Variants in SSBP2 observed in about 807,000 individuals in gnomAD.
The protein encoded by SSBP2 is single-stranded DNA-binding protein 2.
A neutral mutation model predicts 61.8 loss-of-function variants in SSBP2; 17 were observed. The observed-to-expected ratio is 0.28, with a 90% CI of 0.19 to 0.41. The LOEUF (loss-of-function observed/expected upper bound fraction) is 0.41. SSBP2 is among the 10% of genes least tolerant of loss of function. SSBP2 has a pLI of 1.00. For missense variants in SSBP2, 310 were observed against 458.7 expected (o/e 0.68, Z 2.96); for synonymous variants, 139 against 141.3 (o/e 0.98, Z 0.12).
At chr5:81,638,036 A>G (rs951246314) in intron 2 of SSBP2, among the ~76,000 whole-genome samples, 1 of 146,004 alleles carries the variant, frequency 6.8e-6, no homozygotes, top group Admixed American at 7.0e-5. Flanking sequence ...TCTCACTTAC[A>G]GGTGGGAATT....
intron 1 of SSBP2, among the ~76,000 whole-genome samples, chr5:81,703,987 A>G (rs953602124): frequency 2.0e-5 from 3 of 152,234 alleles, no homozygotes; most frequent in African/African-American, 7.2e-5. Flanking sequence ...CTGCTGCTTT[A>G]GTCCCTTGGA....
intron 6 of SSBP2, among the ~76,000 whole-genome samples, chr5:81,486,073 T>C (rs1463753321): frequency 2.0e-5 from 3 of 152,202 alleles, no homozygotes; most frequent in Admixed American, 1.3e-4. Flanking sequence ...TGTGTATGTA[T>C]GTGTGTGCAC....
At chr5:81,726,518 C>G (rs913918438) in intron 1 of SSBP2, among the ~76,000 whole-genome samples, 3 of 151,854 alleles carry the variant, frequency 2.0e-5, no homozygotes, top group African/African-American at 7.3e-5. Flanking sequence ...CAATGCTGCA[C>G]TATTATACTT....
intron 4 of SSBP2, among the ~76,000 whole-genome samples, chr5:81,537,240 AC>A (rs1314569831): frequency 6.6e-6 from 1 of 152,128 alleles, no homozygotes; most frequent in African/African-American, 2.4e-5. Context: ...AGGTTAACTT[AC>A]CTAAAAATCT....
chr5:81,691,197 T>C (rs924571533), intron 1 of SSBP2, among the ~76,000 whole-genome samples: 2 of 151,520 alleles, frequency 1.3e-5, no homozygotes, highest in African/African-American at 2.4e-5. Context: ...CCAAAATTAG[T>C]AGAAGGAAAG....
chr5:81,534,607 C>T (rs1770672407), intron 4 of SSBP2, among the ~76,000 whole-genome samples: 1 of 151,996 alleles, frequency 6.6e-6, no homozygotes, highest in Non-Finnish European at 1.5e-5. Context: ...CGAGACATGA[C>T]TGAAGAAACA....
intron 4 of SSBP2, among the ~76,000 whole-genome samples, chr5:81,540,331 A>G (rs1771163972): frequency 6.6e-6 from 1 of 152,328 alleles, no homozygotes; most frequent in East Asian, 1.9e-4. Flanking sequence ...GTCTTCCGCA[A>G]TGGTTGAACT....
In SSBP2 at chr5:81,415,554, G is replaced by A. The variant is rs1761272293; in HGVS notation, c.*4950C>T. ...CAATATTTTTTATCAGGAGTTGATT[G>A]AATCAGGGATGTGGAACCTGTGGAT... On this transcript the variant is annotated 3_prime_UTR_variant, in exon 17 of 17. Transcript: ENST00000320672. 6.6e-6 allele frequency: 1 copy of A among 151,896 alleles called. No individual in the cohort carries two copies. Among genetic ancestry groups the A allele is most frequent in the African/African-American group, 2.4e-5 (1 of 41,314 alleles). The allele number at this position is 151,896 out of a possible 1,614,324, so 9.4% of individuals were successfully genotyped here. A position where few individuals can be genotyped will look rare whatever the true frequency, so the allele number is the denominator to read the frequency against.
chr5:81,434,633 C>CAAAA (rs34269591), intron 15 of SSBP2, among the ~76,000 whole-genome samples: 9,878 of 42,926 alleles, frequency 0.23, 1,375 homozygotes, highest in Non-Finnish European at 0.29. Flanking sequence ...ACTCTTGACT[C>CAAAA]AAAAAAAAAA....
At chr5:81,448,758 T>C in intron 11 of SSBP2, 32 bp downstream of exon 11, 1 of 1,599,782 alleles carries the variant, frequency 6.3e-7, no homozygotes, top group Non-Finnish European at 8.6e-7. Flanking sequence ...TAACATCAAT[T>C]CTTATAAGCA....
rs550231953 is a variant in SSBP2, at chr5:81,657,700, C to A, written c.63-7361G>T. Among the ~76,000 whole-genome samples, 5 of 152,242 alleles carry A rather than the reference C, an allele frequency of 3.3e-5. 1 individual carries two copies. In the East Asian group the frequency reaches 9.6e-4, roughly 29 times the overall value. ...AACAATCATAATGGTAGCTTTATGT[C>A]ACCAGTAAAAGATTAAACTTTGTGG... On this transcript the variant is annotated intron_variant, in intron 1 of 16. Coordinates refer to ENST00000320672, the MANE Select transcript of SSBP2 (RefSeq NM_012446.5).
At chr5:81,549,352 T>C (rs1404996923) in intron 4 of SSBP2, among the ~76,000 whole-genome samples, 1 of 152,196 alleles carries the variant, frequency 6.6e-6, no homozygotes, top group Non-Finnish European at 1.5e-5. Context: ...ACGTCACTGA[T>C]ATATTCGAGT....
chr5:81,470,334 ATAGG>A (rs1765169649), intron 8 of SSBP2, among the ~76,000 whole-genome samples: 1 of 151,856 alleles, frequency 6.6e-6, no homozygotes, highest in African/African-American at 2.4e-5. Flanking sequence ...TCTTGATTAA[ATAGG>A]TAGTTTTGTT....
intron 4 of SSBP2, among the ~76,000 whole-genome samples, chr5:81,575,110 A>C (rs1464324254): frequency 2.6e-5 from 4 of 152,190 alleles, no homozygotes; most frequent in Non-Finnish European, 5.9e-5. Flanking sequence ...TCTACTAAAA[A>C]TACAAAAATT....
chr5:81,563,463 C>CA (rs749845612), intron 4 of SSBP2, among the ~76,000 whole-genome samples: 29 of 152,216 alleles, frequency 1.9e-4, no homozygotes, highest in East Asian at 5.8e-4. Flanking sequence ...TCCTTAGATA[C>CA]ACCACCAAAA....
Position 81,413,187 on chromosome 5 carries a change from C to T in SSBP2, c.*7317G>A, listed in dbSNP as rs1761199878. 6.6e-6 allele frequency: 1 copy of T among 152,150 alleles called. No homozygotes were observed. The highest frequency in any genetic ancestry group is 2.4e-5 in the African/African-American group (1 of 41,440). The allele number at this position is 152,150 out of a possible 1,614,324, so 9.4% of individuals were successfully genotyped here. A position where few individuals can be genotyped will look rare whatever the true frequency, so the allele number is the denominator to read the frequency against. On this transcript the variant is annotated 3_prime_UTR_variant, in exon 17 of 17. Coordinates refer to ENST00000320672, the MANE Select transcript of SSBP2 (RefSeq NM_012446.5). ...TGCCAAATTAAGGGTCATTTATGTACATCTTTATGGCAACTTATCCCATTA... is the reference window on the plus strand; with the variant it reads ...TGCCAAATTAAGGGTCATTTATGTATATCTTTATGGCAACTTATCCCATTA...
chr5:81,710,821 C>A, intron 1 of SSBP2: 1 of 373,268 alleles, frequency 2.7e-6, no homozygotes, highest in Non-Finnish European at 5.3e-6. Flanking sequence ...CAAAAATTGG[C>A]AGGAAGGAAA....
chr5:81,440,476 A>G, intron 14 of SSBP2, 82 bp downstream of exon 14: 1 of 1,195,218 alleles, frequency 8.4e-7, no homozygotes, highest in Non-Finnish European at 1.2e-6. Context: ...CTATGGAAGA[A>G]CTTTGGAAAC....
intron 4 of SSBP2, among the ~76,000 whole-genome samples, chr5:81,554,159 A>G (rs934301017): frequency 6.6e-6 from 1 of 152,128 alleles, no homozygotes; most frequent in African/African-American, 2.4e-5. Flanking sequence ...AATAAGATCC[A>G]TTAGGACATC....
Sources: gnomAD v4.1 joint callset for allele counts (sites outside exome capture counted in the v4.1 genomes callset) on GRCh38, gnomAD v4.1.1 for gene constraint, MANE v1.5 for transcripts, NCBI Gene and HGNC (gene_info 2026-07-23, HGNC 2026-07-21) for gene names.